The following MYO5C variants were observed in gnomAD, a reference collection of about 807,000 sequenced individuals.
The protein encoded by MYO5C is unconventional myosin-Vc.
In MYO5C, 194 loss-of-function variants were observed where a neutral mutation model predicts 235.7. That is an observed-to-expected ratio of 0.82 (90% CI 0.73 to 0.93). The LOEUF is 0.93. MYO5C is among the 40% of genes least tolerant of loss of function. The pLI is 0.00. For missense variants in MYO5C, 2,038 were observed against 2,127.2 expected (o/e 0.96, Z 0.82); for synonymous variants, 707 against 754.8 (o/e 0.94, Z 1.04).
chr15:52,244,285 G>T, intron 19 of MYO5C, 71 bp downstream of exon 19: 1 of 1,483,892 alleles, frequency 6.7e-7, no homozygotes, highest in Non-Finnish European at 9.2e-7. Context: ...TCCTTGATGA[G>T]TCCTCCCCGC....
In MYO5C at chr15:52,205,922, C is replaced by G. The variant is rs557627160; in HGVS notation, c.4431G>C (p.Leu1477Phe). 1.3e-6 allele frequency: 2 copies of G among 1,597,104 alleles called. No homozygotes were observed. The highest frequency in any genetic ancestry group is 1.7e-6 in the Non-Finnish European group (2 of 1,171,560). ...HNSPQQNKNC[L>F]NNFDLSEYRQ... ...TGTATTCTGAAAGGTCAAAATTGTTCAAGCAATTCTTATTCTGCTGTGGAC... is the reference window on the plus strand; with the variant it reads ...TGTATTCTGAAAGGTCAAAATTGTTGAAGCAATTCTTATTCTGCTGTGGAC... Residue 1477 changes from leucine to phenylalanine, a missense_variant, in exon 37 of 41, where the codon TTG becomes TTC. Leu to Phe is a conservative substitution (Grantham distance 22). Transcript: ENST00000261839.
Position 52,244,492 on chromosome 15 carries a change from G to C in MYO5C, c.2254C>G (p.Arg752Gly). 1 of 1,614,084 alleles carries C rather than the reference G, an allele frequency of 6.2e-7. No homozygotes were observed. The highest frequency in any genetic ancestry group is 8.5e-7 in the Non-Finnish European group (1 of 1,180,036). Residue 752 changes from arginine (R) to glycine (G), a missense_variant, in exon 19 of 41, where the codon CGA becomes GGA. By Grantham distance (125) the Arg-to-Gly change is moderately radical. Coordinates refer to ENST00000261839, the MANE Select transcript of MYO5C (RefSeq NM_018728.4). ...CAACTCTGCCTCAGTTTATCCAATC[G>C]AAGTTTCTCTAAATAAGCCACTTGT... is the stretch of plus-strand genomic sequence containing the variant. ...AGQVAYLEKL[R>G]LDKLRQSCVM...
chr15:52,280,306 C>T (rs1409634344), intron 2 of MYO5C, among the ~76,000 whole-genome samples: 1 of 152,250 alleles, frequency 6.6e-6, no homozygotes, highest in Non-Finnish European at 1.5e-5. Context: ...CCCAGCAGGG[C>T]TGTCTATTCC....
chr15:52,239,974 A>C (rs2036176356), intron 20 of MYO5C, 95 bp from the exon 21 acceptor site: 1 of 1,334,574 alleles, frequency 7.5e-7, no homozygotes, highest in African/African-American at 1.5e-5. Context: ...CACGGTGTAG[A>C]AAATGAGTTT....
rs1023163296 is a variant in MYO5C, at chr15:52,213,836, C to T, written c.4043-550G>A. Among the ~76,000 whole-genome samples the T allele has an allele frequency of 3.9e-5, 6 of 152,108 alleles. No individual in the cohort carries two copies. In the South Asian group the frequency reaches 6.2e-4, roughly 16 times the overall value. On this transcript the variant is annotated intron_variant, in intron 33 of 40. Coordinates refer to ENST00000261839, the MANE Select transcript of MYO5C (RefSeq NM_018728.4). ...ATTCATCCCAGCAGTGGGGATGCAG[C>T]GGGGGCTGGGAAGCACAGACCTGGG...
Position 52,244,542 on chromosome 15 carries a change from T to TAGAAAA in MYO5C, c.2203_2204insTTTTCT (p.Lys735delinsIlePheTer), listed in dbSNP as rs769187596. 1.2e-6 allele frequency: 2 copies of TAGAAAA among 1,613,598 alleles called. No individual in the cohort carries two copies. Among genetic ancestry groups the TAGAAAA allele is most frequent in the South Asian group, 2.2e-5 (2 of 91,046 alleles). The stretch of plus-strand genomic sequence containing the variant: ...TCCTGCTCTGAAGAAAATTTTGGTT[T>TAGAAAA]TACCAAACTGGTACTGATTAGAATC... On this transcript the variant is annotated stop_gained and protein_altering_variant, in exon 19 of 41. Transcript: ENST00000261839. LOFTEE classifies it high-confidence loss of function.
chr15:52,282,743 T>A, intron 2 of MYO5C, 39 bp downstream of exon 2: 1 of 1,401,168 alleles, frequency 7.1e-7, no homozygotes, highest in Non-Finnish European at 1.0e-6. Context: ...AGCTACCGCT[T>A]TACACATCGA....
chr15:52,196,361 T>C lies in MYO5C; in HGVS notation c.4943A>G (p.Asp1648Gly), dbSNP rs1273971024. ...AWLLQVKKTT[D>G]SDAKEIYERC... ...TTCGTAGATCTCCTTGGCATCACTG[T>C]CTGTGGTCTTCTTGACCTGAAGCAA... Residue 1648 changes from aspartate (D) to glycine (G), a missense_variant, in exon 39 of 41, where the codon GAC becomes GGC. Physicochemically the swap from Asp to Gly is moderately conservative, Grantham distance 94 (BLOSUM62 -1). Coordinates refer to ENST00000261839, the MANE Select transcript of MYO5C (RefSeq NM_018728.4). The C allele has an allele frequency of 6.2e-7, 1 of 1,614,084 alleles. No individual in the cohort carries two copies. Among genetic ancestry groups the C allele is most frequent in the Non-Finnish European group, 8.5e-7 (1 of 1,180,008 alleles).
chr15:52,204,886 C>A lies in MYO5C; in HGVS notation c.4799G>T (p.Cys1600Phe), dbSNP rs997906799. 4 of 1,613,982 alleles carry A rather than the reference C, an allele frequency of 2.5e-6. No homozygotes were observed. In the African/African-American group the frequency reaches 5.3e-5, roughly 22 times the overall value. Residue 1600 changes from cysteine to phenylalanine, a missense_variant, in exon 38 of 41, where the codon TGC (cysteine) becomes TTC (phenylalanine). Physicochemically the swap from Cys to Phe is radical, Grantham distance 205. Transcript: ENST00000261839. ...TTACCTGATCTGCATCCCTTTTCTG[C>A]AGGAGCACATGTCCTTGCGCAGGAA... ...SLFLRKDMCS[C>F]RKGMQIRCNI...
intron 36 of MYO5C, 24 bp downstream of exon 36, chr15:52,208,530 A>C: frequency 6.2e-7 from 1 of 1,610,644 alleles, no homozygotes; most frequent in Non-Finnish European, 8.5e-7. Flanking sequence ...AGCACAAAAC[A>C]ACAAGCAGGT....
chr15:52,278,982 A>G lies in MYO5C; in HGVS notation c.340T>C (p.Leu114=). ...ATGATGGCATCTCCGTATATTGGCAACTGCTTGTAAGGATTCATGGCCACC... is the reference window on the plus strand; with the variant it reads ...ATGATGGCATCTCCGTATATTGGCAGCTGCTTGTAAGGATTCATGGCCACC... The part of the protein sequence containing the change: ...ILVAMNPYKQ[L]PIYGDAIIHA... The change falls in exon 4 of 41, where the codon TTG becomes CTG. Residue 114 remains leucine (L), a synonymous_variant. Coordinates refer to ENST00000261839, the MANE Select transcript of MYO5C (RefSeq NM_018728.4). 6.2e-7 allele frequency: 1 copy of G among 1,613,954 alleles called. No homozygotes were observed. The highest frequency in any genetic ancestry group is 1.1e-5 in the South Asian group (1 of 91,046).
intron 35 of MYO5C, among the ~76,000 whole-genome samples, chr15:52,210,823 T>A (rs140151620): frequency 6.6e-6 from 1 of 152,266 alleles, no homozygotes; most frequent in Admixed American, 6.5e-5. Context: ...TTTAGGATTA[T>A]GTTTCAGTTG....
chr15:52,213,408 A>G (rs2035492691), intron 33 of MYO5C, 122 bp from the exon 34 acceptor site: 12 of 677,730 alleles, frequency 1.8e-5, no homozygotes, highest in Non-Finnish European at 3.2e-5. Context: ...GCTTTCAGAT[A>G]CATTAAAACT....
At chr15:52,260,734 G>A in intron 10 of MYO5C, 128 bp downstream of exon 10, 1 of 1,076,016 alleles carries the variant, frequency 9.3e-7, no homozygotes, top group Non-Finnish European at 1.3e-6. Context: ...CATCTATAGG[G>A]GCAAAAGCAG....
chr15:52,242,440 GTCGAT>G (rs2036246827), intron 19 of MYO5C: 3 of 497,758 alleles, frequency 6.0e-6, no homozygotes, highest in Non-Finnish European at 1.1e-5. Flanking sequence ...ATTCAGGCCA[GTCGAT>G]TCACCTCCAC....
At chr15:52,225,291 TCAAC>T in intron 26 of MYO5C, 144 bp downstream of exon 26, 1 of 1,053,204 alleles carries the variant, frequency 9.5e-7, no homozygotes, top group South Asian at 1.4e-5. Flanking sequence ...TTCCAGGTAT[TCAAC>T]CAACTAGCTA....
intron 29 of MYO5C, among the ~76,000 whole-genome samples, chr15:52,221,647 A>T (rs2035690550): frequency 6.6e-6 from 1 of 152,212 alleles, no homozygotes; most frequent in Admixed American, 6.5e-5. Flanking sequence ...GCTACTTTTG[A>T]ATTCAAGGAC....
chr15:52,285,354 G>C (rs1374024389), intron 1 of MYO5C, among the ~76,000 whole-genome samples: 2 of 149,172 alleles, frequency 1.3e-5, no homozygotes, highest in Non-Finnish European at 3.0e-5. Context: ...GGAGACAAGA[G>C]TGAAACTCTG....
intron 8 of MYO5C, among the ~76,000 whole-genome samples, chr15:52,267,770 C>T (rs1329607236): frequency 1.3e-5 from 2 of 152,144 alleles, no homozygotes; most frequent in Admixed American, 1.3e-4. Context: ...ATCCCAAAGC[C>T]TACTCTATTT....
Sources: gnomAD v4.1 joint callset for allele counts (sites outside exome capture counted in the v4.1 genomes callset) on GRCh38, gnomAD v4.1.1 for gene constraint, MANE v1.5 for transcripts, NCBI Gene and HGNC (gene_info 2026-07-23, HGNC 2026-07-21) for gene names.